The following TBC1D5 variants were observed in gnomAD, a reference collection of about 807,000 sequenced individuals.
TBC1D5 encodes TBC1 domain family, member 5.
Under a neutral mutation model 100.3 loss-of-function variants are expected in TBC1D5, and 75 were observed. That is an observed-to-expected ratio of 0.75 (90% confidence interval 0.62 to 0.91). The LOEUF (loss-of-function observed/expected upper bound fraction) is 0.91. Ranked by LOEUF, TBC1D5 falls within the 40% of genes least tolerant of loss-of-function variation. TBC1D5 has a pLI of 0.00. For synonymous variants in TBC1D5, 323 were observed against 325.6 expected (o/e 0.99, Z 0.09); for missense variants, 910 against 942.4 (o/e 0.97, Z 0.45).
chr3:17,297,907 T>C (rs1247340141), intron 14 of TBC1D5, among the ~76,000 whole-genome samples: 2 of 152,142 alleles, frequency 1.3e-5, no homozygotes, highest in Non-Finnish European at 2.9e-5. Context: ...CAAAGTCTTT[T>C]AATGCAAACT....
chr3:17,181,445 A>G lies in TBC1D5; in HGVS notation c.1852+3664T>C, dbSNP rs146839078. Among the ~76,000 whole-genome samples the G allele has an allele frequency of 3.9e-5, 6 of 152,312 alleles. No individual in the cohort carries two copies. The East Asian group carries it at 1.2e-3, about 29-fold the overall frequency. On this transcript the variant is annotated intron_variant, in intron 19 of 21. Transcript: ENST00000253692. ...CCCACTTTGGGCCATTCCTGATACT[A>G]GGGTTTAAAAATATTTTTTGGCAAG...
chr3:17,319,081 G>A lies in TBC1D5; in HGVS notation c.996-10947C>T, dbSNP rs139901002. Among the ~76,000 whole-genome samples the A allele has an allele frequency of 4.0e-4, 61 of 152,278 alleles. 1 individual carries two copies. In the East Asian group the frequency reaches 0.011, roughly 26 times the overall value. On this transcript the variant is annotated intron_variant, in intron 13 of 21. Transcript: ENST00000253692. ...TTATGAGGTCTAGAATTGTATTTCG[G>A]GCTAATGGAGAGAACAGAAACTCAG...
intron 3 of TBC1D5, among the ~76,000 whole-genome samples, chr3:17,446,360 T>C (rs1429640437): frequency 4.6e-5 from 7 of 152,150 alleles, no homozygotes; most frequent in Admixed American, 4.6e-4. Context: ...CTTGAGATAT[T>C]AAGGTGACAA....
chr3:17,576,015 TGACA>T (rs2096655137), intron 2 of TBC1D5, among the ~76,000 whole-genome samples: 1 of 152,092 alleles, frequency 6.6e-6, no homozygotes, highest in Non-Finnish European at 1.5e-5. Context: ...GTTCCATTAC[TGACA>T]AATTCCAAAA....
At chr3:17,344,825 T>C (rs959413087) in intron 13 of TBC1D5, among the ~76,000 whole-genome samples, 6 of 152,142 alleles carry the variant, frequency 3.9e-5, no homozygotes, top group Non-Finnish European at 8.8e-5. Context: ...GAAAGGATTC[T>C]CTATTTAATA....
intron 1 of TBC1D5, among the ~76,000 whole-genome samples, chr3:17,628,174 G>A (rs1377353861): frequency 6.6e-6 from 1 of 152,110 alleles, no homozygotes; most frequent in African/African-American, 2.4e-5. Context: ...TTTAAGACCA[G>A]CCTGGCCAAC....
chr3:17,399,535 T>C (rs906685315), intron 8 of TBC1D5, among the ~76,000 whole-genome samples: 1 of 152,086 alleles, frequency 6.6e-6, no homozygotes, highest in African/African-American at 2.4e-5. Context: ...ATCGCTAACA[T>C]TACCTAACTT....
chr3:17,697,925 A>T (rs2072411597), intron 1 of TBC1D5, among the ~76,000 whole-genome samples: 1 of 151,264 alleles, frequency 6.6e-6, no homozygotes, highest in East Asian at 1.9e-4. Context: ...CCAATGGAAA[A>T]GAACAGAGGC....
At position 17,477,934 on chromosome 3, in the gene TBC1D5, T is replaced by C. The variant is rs184548485; in HGVS notation, c.97+30540A>G. Reference sequence around the variant, plus strand: ...ATGTTCACATAAGAGAATACTTGTATTGTCTTTTTAACCAGTTCATAATTC... The same window carrying C: ...ATGTTCACATAAGAGAATACTTGTACTGTCTTTTTAACCAGTTCATAATTC... On this transcript the variant is annotated intron_variant, in intron 3 of 21. Transcript: ENST00000253692. Among the ~76,000 whole-genome samples the C allele has an allele frequency of 2.9e-4, 44 of 152,264 alleles. 2 individuals are homozygous for C. The East Asian group carries it at 8.1e-3, about 28-fold the overall frequency.
chr3:17,420,155 G>C (rs1259862889), intron 4 of TBC1D5, among the ~76,000 whole-genome samples: 1 of 151,172 alleles, frequency 6.6e-6, no homozygotes, highest in Non-Finnish European at 1.5e-5. Flanking sequence ...GTCTATAATG[G>C]AAGTATAACA....
intron 2 of TBC1D5, among the ~76,000 whole-genome samples, chr3:17,621,169 G>C (rs2062625976): frequency 6.6e-6 from 1 of 151,990 alleles, no homozygotes; most frequent in Admixed American, 6.6e-5. Flanking sequence ...AGAGAAACTG[G>C]TATATCTCTA....
intron 2 of TBC1D5, among the ~76,000 whole-genome samples, chr3:17,547,412 A>G (rs191385886): frequency 6.6e-6 from 1 of 152,268 alleles, no homozygotes; most frequent in Admixed American, 6.5e-5. Context: ...AACCAATTTC[A>G]TCATCATATA....
rs756056206 is a variant in TBC1D5 at position 17,266,994 on chromosome 3, C to T, written c.1246-8403G>A. Reference sequence around the variant, plus strand: ...GACAAAACCTCTGAAGCCATGCCAGCCTCATTTTACATACTGAATAAACCC... The same window carrying T: ...GACAAAACCTCTGAAGCCATGCCAGTCTCATTTTACATACTGAATAAACCC... On this transcript the variant is annotated intron_variant, in intron 15 of 21. Coordinates refer to ENST00000253692, the Ensembl canonical transcript of TBC1D5. Among the ~76,000 whole-genome samples the T allele has an allele frequency of 2.3e-4, 35 of 152,072 alleles. 1 individual carries two copies. The highest frequency in any genetic ancestry group is 1.3e-4 in the Non-Finnish European group (9 of 67,952).
At chr3:17,713,792 C>T (rs2074985314) in intron 1 of TBC1D5, among the ~76,000 whole-genome samples, 1 of 152,080 alleles carries the variant, frequency 6.6e-6, no homozygotes, top group Non-Finnish European at 1.5e-5. Flanking sequence ...TGCTCAACAT[C>T]ATTAGTCATC....
intron 2 of TBC1D5, among the ~76,000 whole-genome samples, chr3:17,581,675 T>TC (rs914095693): frequency 7.9e-5 from 12 of 152,214 alleles, no homozygotes; most frequent in Non-Finnish European, 1.6e-4. Flanking sequence ...ATCTTCTACA[T>TC]GATCTCTCTG....
chr3:17,664,210 C>T (rs2066979812), intron 1 of TBC1D5, among the ~76,000 whole-genome samples: 1 of 152,114 alleles, frequency 6.6e-6, no homozygotes, highest in African/African-American at 2.4e-5. Context: ...GCTGGGATTA[C>T]AGGCACACAC....
intron 1 of TBC1D5, among the ~76,000 whole-genome samples, chr3:17,670,307 C>T (rs2067795162): frequency 1.3e-5 from 2 of 152,220 alleles, no homozygotes; most frequent in Admixed American, 1.3e-4. Flanking sequence ...AAACTCTTGA[C>T]AGAAACCAAA....
chr3:17,477,120 T>A (rs569707847), intron 3 of TBC1D5, among the ~76,000 whole-genome samples: 3 of 152,078 alleles, frequency 2.0e-5, no homozygotes, highest in African/African-American at 7.2e-5. Context: ...CACAAACTTA[T>A]GTGAATTTTT....
intron 1 of TBC1D5, among the ~76,000 whole-genome samples, chr3:17,722,613 C>CAA (rs886175076): frequency 6.6e-6 from 1 of 152,236 alleles, no homozygotes; most frequent in Admixed American, 6.5e-5. Context: ...GGAACCCACT[C>CAA]AGAGTCATAC....
Sources: allele counts gnomAD v4.1 joint callset (sites outside exome capture counted in the v4.1 genomes callset), GRCh38; gene constraint gnomAD v4.1.1; transcripts MANE v1.5; gene names NCBI Gene and HGNC (gene_info 2026-07-23, HGNC 2026-07-21).